Variants in SNX13 observed in about 807,000 individuals in gnomAD.
The protein encoded by SNX13 is sorting nexin-13.
A neutral mutation model predicts 133.6 loss-of-function variants in SNX13; 45 were observed. The observed-to-expected ratio is 0.34, with a 90% CI of 0.27 to 0.43. SNX13 has a LOEUF of 0.43. Ranked by LOEUF, SNX13 falls within the 20% of genes least tolerant of loss-of-function variation. The pLI is 1.00. For missense variants in SNX13, 1,032 were observed against 1,145.1 expected, an observed-to-expected ratio of 0.90 and a Z score of 1.43; for synonymous variants, 414 against 373.9, an observed-to-expected ratio of 1.11 and a Z score of -1.24.
chr7:17,850,744 G>T, intron 10 of SNX13, 82 bp downstream of exon 10: 1 of 1,116,600 alleles, frequency 9.0e-7, no homozygotes, highest in Non-Finnish European at 1.2e-6. Context: ...ATCAGAAAAT[G>T]ACATTTAGGT....
At position 17,899,729 on chromosome 7, in the gene SNX13, G is replaced by T. The variant is rs572920787; in HGVS notation, c.13-2283C>A. 1.9e-4 allele frequency: 29 copies of T among 151,900 alleles called. 1 individual carries two copies. In the South Asian group the frequency reaches 5.4e-3, roughly 28 times the overall value. 9.4% of individuals were successfully genotyped at this position (151,900 alleles called of 1,614,324 possible). ...TCTCTGTATTATCTTGAATTTTGTT[G>T]TACTTCCTCAAAACAACTATTCTGA... On this transcript the variant is annotated intron_variant, in intron 1 of 25. Transcript: ENST00000428135.
intron 20 of SNX13, among the ~76,000 whole-genome samples, chr7:17,813,649 T>C (rs1786317503): frequency 1.3e-5 from 2 of 151,424 alleles, no homozygotes; most frequent in African/African-American, 2.4e-5. Context: ...TGCAGTGGCA[T>C]GACCATGGTT....
chr7:17,798,812 AATAAACGTGACTTTCAT>A, intron 23 of SNX13, 54 bp from the exon 24 acceptor site: 1 of 1,367,724 alleles, frequency 7.3e-7, no homozygotes, highest in African/African-American at 1.5e-5. Context: ...AGGTGAAAAA[AATAAACGTGACTTTCAT>A]AGAGCAAGCA....
intron 3 of SNX13, 66 bp from the exon 4 acceptor site, chr7:17,891,701 A>G (rs1263839628): frequency 9.3e-7 from 1 of 1,074,688 alleles, no homozygotes; most frequent in African/African-American, 1.6e-5. Flanking sequence ...GTTTAATTCC[A>G]GTTGAATACT....
At chr7:17,807,912 C>T (rs1785506392) in intron 20 of SNX13, among the ~76,000 whole-genome samples, 2 of 152,134 alleles carry the variant, frequency 1.3e-5, no homozygotes, top group African/African-American at 4.8e-5. Context: ...ACAGCATCAA[C>T]ATCAACAAAA....
chr7:17,806,942 CCA>C (rs1208983169), intron 20 of SNX13, among the ~76,000 whole-genome samples: 2 of 152,216 alleles, frequency 1.3e-5, no homozygotes, highest in Non-Finnish European at 2.9e-5. Flanking sequence ...TACGCTTTTC[CCA>C]CAGTCTTTGC....
At chr7:17,805,250 T>TGTGTGTGTGTGTGTGTGTGTGCGCGCGC in intron 20 of SNX13, among the ~76,000 whole-genome samples, 12 of 95,550 alleles carry the variant, frequency 1.3e-4, no homozygotes, top group African/African-American at 2.8e-4. Context: ...TGTGTGTGTG[T>TGTGTGTGTGTGTGTGTGTGTGCGCGCGC]GCGTGCGCGC....
chr7:17,824,187 A>T (rs1357367700), intron 17 of SNX13, among the ~76,000 whole-genome samples: 1 of 152,158 alleles, frequency 6.6e-6, no homozygotes, highest in East Asian at 1.9e-4. Flanking sequence ...TGTAAAAAAA[A>T]AATAGCACTA....
chr7:17,934,198 A>G lies in SNX13; in HGVS notation c.12+6086T>C, dbSNP rs1801760642. On this transcript the variant is annotated intron_variant, in intron 1 of 25. Coordinates refer to ENST00000428135, the MANE Select transcript of SNX13 (RefSeq NM_015132.5). Reference sequence around the variant, plus strand: ...ACGTTTCCTCTCCTTACACATATTTAAGGCTTTGTGACACCAAAATTAAAC... The same window carrying G: ...ACGTTTCCTCTCCTTACACATATTTGAGGCTTTGTGACACCAAAATTAAAC... Among the ~76,000 whole-genome samples the G allele has an allele frequency of 2.0e-5, 3 of 152,310 alleles. No homozygotes were observed. The South Asian group carries it at 6.2e-4, about 32-fold the overall frequency.
intron 20 of SNX13, among the ~76,000 whole-genome samples, chr7:17,813,074 C>A (rs1453286015): frequency 6.6e-6 from 1 of 151,944 alleles, no homozygotes; most frequent in African/African-American, 2.4e-5. Flanking sequence ...ATGTAACAAA[C>A]CTGCACATTC....
intron 11 of SNX13, 150 bp from the exon 12 acceptor site, chr7:17,845,844 A>T: frequency 1.9e-6 from 1 of 515,366 alleles, no homozygotes. Context: ...ATAGATATAC[A>T]TTGTGTGAAT....
chr7:17,820,388 A>G lies in SNX13; in HGVS notation c.1845+1121T>C, dbSNP rs570288640. 3.9e-5 allele frequency among the ~76,000 whole-genome samples: 6 copies of G among 152,264 alleles called. No individual in the cohort carries two copies. The South Asian group carries it at 1.2e-3, about 32-fold the overall frequency. On this transcript the variant is annotated intron_variant, in intron 18 of 25. Transcript: ENST00000428135. ...AGGTAATATTTTAAAAAGTAAAGCA[A>G]TTATTTCTTCAATGTGGGGCAGAAA...
intron 1 of SNX13, among the ~76,000 whole-genome samples, chr7:17,918,465 G>C (rs1799787198): frequency 6.6e-6 from 1 of 151,878 alleles, no homozygotes; most frequent in Non-Finnish European, 1.5e-5. Flanking sequence ...AATGGGCAAA[G>C]GATATGAACA....
chr7:17,823,908 GAAGA>G (rs1787583192), intron 17 of SNX13, among the ~76,000 whole-genome samples: 1 of 152,026 alleles, frequency 6.6e-6, no homozygotes, highest in Non-Finnish European at 1.5e-5. Flanking sequence ...CAAAAAAGGA[GAAGA>G]GATATAAGAA....
intron 9 of SNX13, among the ~76,000 whole-genome samples, chr7:17,866,094 C>T (rs1001811892): frequency 5.3e-5 from 8 of 152,024 alleles, no homozygotes; most frequent in Non-Finnish European, 8.8e-5. Context: ...AGATTTCTTA[C>T]ATAAGACCTC....
intron 20 of SNX13, among the ~76,000 whole-genome samples, chr7:17,811,376 A>T (rs1244839587): frequency 6.6e-6 from 1 of 152,242 alleles, no homozygotes; most frequent in Non-Finnish European, 1.5e-5. Flanking sequence ...CAGCCAAATC[A>T]TGAGTGAACT....
intron 1 of SNX13, among the ~76,000 whole-genome samples, chr7:17,933,834 TC>T (rs1170929533): frequency 6.6e-6 from 1 of 151,694 alleles, no homozygotes; most frequent in African/African-American, 2.4e-5. Context: ...TACCACTATT[TC>T]TATAATGACT....
chr7:17,894,388 A>C lies in SNX13; in HGVS notation c.126-954T>G, dbSNP rs1029919414. Among the ~76,000 whole-genome samples the C allele has an allele frequency of 9.9e-5, 15 of 152,260 alleles. No homozygotes were observed. The South Asian group carries it at 1.5e-3, about 15-fold the overall frequency. On this transcript the variant is annotated intron_variant, in intron 2 of 25. Transcript: ENST00000428135. ...GACAAATGAATCTAAATATGTAGCT[A>C]AATGACAGAATTCTATAGTTCTGTT... is the stretch of plus-strand genomic sequence containing the variant.
In SNX13 at chr7:17,940,368, G is replaced by A; in HGVS notation, c.-73C>T. On this transcript the variant is annotated 5_prime_UTR_variant, in exon 1 of 26. Transcript: ENST00000428135. ...AACAGCCGTAGCAGCAGCGAAAACT[G>A]CTCGGGCCGCCGCCAACGGCGGCAA... 2 of 1,528,958 alleles carry A rather than the reference G, an allele frequency of 1.3e-6. No individual in the cohort carries two copies. Among genetic ancestry groups the A allele is most frequent in the South Asian group, 1.2e-5 (1 of 83,600 alleles). 94.7% of individuals were successfully genotyped at this position (1,528,958 alleles called of 1,614,324 possible). A position where few individuals can be genotyped will look rare whatever the true frequency, so the allele number is the denominator to read the frequency against.
Sources: allele counts gnomAD v4.1 joint callset (sites outside exome capture counted in the v4.1 genomes callset), GRCh38; gene constraint gnomAD v4.1.1; transcripts MANE v1.5; gene names NCBI Gene and HGNC (gene_info 2026-07-23, HGNC 2026-07-21).